The following FNBP4 variants were observed in gnomAD, a reference collection of about 807,000 sequenced individuals.
FNBP4 encodes formin-binding protein 4.
FNBP4 carries 34 observed loss-of-function variants against 119.3 expected under a neutral mutation model. The observed-to-expected ratio is 0.28, with a 90% CI of 0.22 to 0.38. The LOEUF is 0.38. Among genes scored for constraint, FNBP4 ranks in the 10% least tolerant of loss-of-function variants. FNBP4 has a pLI of 1.00. For missense variants in FNBP4, 1,112 were observed against 1,228.9 expected, an observed-to-expected ratio of 0.90 and a Z score of 1.42; for synonymous variants, 462 against 430.6, an observed-to-expected ratio of 1.07 and a Z score of -0.90.
chr11:47,752,357 G>A (rs768197930), intron 4 of FNBP4, among the ~76,000 whole-genome samples: 71 of 151,108 alleles, frequency 4.7e-4, no homozygotes, highest in Non-Finnish European at 9.0e-4. Context: ...CCTGGGAGGC[G>A]GAGGTTGCAG....
intron 8 of FNBP4, among the ~76,000 whole-genome samples, chr11:47,738,310 T>C (rs546457301): frequency 1.3e-5 from 2 of 152,260 alleles, no homozygotes; most frequent in South Asian, 4.1e-4. Context: ...CTCACGCCTG[T>C]AATCCCAGCA....
At position 47,762,843 on chromosome 11, in the gene FNBP4, G is replaced by A. The variant is rs377183615; in HGVS notation, c.313+2427C>T. 1.4e-4 allele frequency among the ~76,000 whole-genome samples: 20 copies of A among 145,934 alleles called. No homozygotes were observed. The South Asian group carries it at 4.5e-3, about 33-fold the overall frequency. ...GAGAATCGCCGGAGCCCAGGACACAGAGACTGCAGTGAGCCAAGATCACGC... is the reference window on the plus strand; with the variant it reads ...GAGAATCGCCGGAGCCCAGGACACAAAGACTGCAGTGAGCCAAGATCACGC... On this transcript the variant is annotated intron_variant, in intron 2 of 16. Coordinates refer to ENST00000263773, the MANE Select transcript of FNBP4 (RefSeq NM_015308.5).
chr11:47,750,319 T>C (rs571385466), intron 6 of FNBP4, among the ~76,000 whole-genome samples: 5 of 132,010 alleles, frequency 3.8e-5, no homozygotes, highest in African/African-American at 8.6e-5. Flanking sequence ...GAGGCAGAGG[T>C]TGCAGTGAGC....
Position 47,723,396 on chromosome 11 carries a change from T to C in FNBP4, c.2465-80A>G, listed in dbSNP as rs1490273094. 24 of 1,509,302 alleles carry C rather than the reference T, an allele frequency of 1.6e-5. No individual in the cohort carries two copies. In the South Asian group the frequency reaches 1.9e-4, roughly 12 times the overall value. The allele number at this position is 1,509,302 out of a possible 1,614,324, so 93.5% of individuals were successfully genotyped here. On this transcript the variant is annotated intron_variant, in intron 14 of 16. Transcript: ENST00000263773. The stretch of plus-strand genomic sequence containing the variant: ...ATGCAATGAAAAGAGAAGTGGGGAT[T>C]AGATCACATAGAAAATGATTCCAAT...
rs188890532 is a variant in FNBP4, at chr11:47,750,752, C to G, written c.906+164G>C. The stretch of plus-strand genomic sequence containing the variant: ...AAAAAGAAAAAGTCAAGTGAGTAAC[C>G]GCTATAAAGGCTACATAATACACAG... On this transcript the variant is annotated intron_variant, in intron 6 of 16. Coordinates refer to ENST00000263773, the MANE Select transcript of FNBP4 (RefSeq NM_015308.5). 1.6e-4 allele frequency among the ~76,000 whole-genome samples: 24 copies of G among 145,570 alleles called. No homozygotes were observed. The East Asian group carries it at 4.6e-3, about 28-fold the overall frequency.
intron 8 of FNBP4, among the ~76,000 whole-genome samples, chr11:47,740,949 T>C (rs2097581149): frequency 6.7e-6 from 1 of 150,324 alleles, no homozygotes; most frequent in Non-Finnish European, 1.5e-5. Context: ...AGTGCAGTGG[T>C]GCCATCTCAG....
chr11:47,760,364 C>A (rs1400117524), intron 2 of FNBP4, among the ~76,000 whole-genome samples: 1 of 150,134 alleles, frequency 6.7e-6, no homozygotes, highest in African/African-American at 2.5e-5. Flanking sequence ...TGGGTTCAAG[C>A]GACTCTCCTG....
At chr11:47,741,571 A>C (rs549418419) in intron 8 of FNBP4, among the ~76,000 whole-genome samples, 13 of 151,728 alleles carry the variant, frequency 8.6e-5, no homozygotes, top group African/African-American at 3.2e-4. Context: ...TAATCCCAGC[A>C]CTTTGGGAGG....
chr11:47,723,509 G>A (rs2097557987), intron 14 of FNBP4, among the ~76,000 whole-genome samples, 193 bp from the exon 15 acceptor site: 1 of 151,976 alleles, frequency 6.6e-6, no homozygotes, highest in Non-Finnish European at 1.5e-5. Context: ...CCTAAACATC[G>A]AAATCATCAA....
chr11:47,733,985 C>T, intron 10 of FNBP4, 40 bp downstream of exon 10: 1 of 1,042,038 alleles, frequency 9.6e-7, no homozygotes. Flanking sequence ...CATTCAAACA[C>T]TTAACTGTTT....
Position 47,732,500 on chromosome 11 carries a change from CAAAGGTG to C in FNBP4, c.1820+30_1820+36del, listed in dbSNP as rs1385901866. 1.9e-6 allele frequency: 3 copies of C among 1,612,694 alleles called. No homozygotes were observed. Among genetic ancestry groups the C allele is most frequent in the East Asian group, 2.2e-5 (1 of 44,842 alleles). On this transcript the variant is annotated intron_variant, in intron 11 of 16. Transcript: ENST00000263773. This position sits in a 1 kb window ranked among gnomAD's most constrained non-coding sequence, Gnocchi z 4.2. ...TGATCACAAATCATGTCTGAGATGT[CAAAGGTG>C]AAAGGTGAAAAGGGGAGAAGAGTGC...
intron 1 of FNBP4, 47 bp from the exon 2 acceptor site, chr11:47,765,409 G>GAAAAGAAAAGAAAAGAA: frequency 7.3e-7 from 1 of 1,366,950 alleles, no homozygotes; most frequent in Non-Finnish European, 1.0e-6. Flanking sequence ...GAAAAGAAAA[G>GAAAAGAAAAGAAAAGAA]AAAAGAAAAC....
At position 47,727,103 on chromosome 11, in the gene FNBP4, C is replaced by T. The variant is rs557485785; in HGVS notation, c.2009-2325G>A. 34 of 152,192 alleles carry T rather than the reference C, an allele frequency of 2.2e-4. 1 individual carries two copies. Among genetic ancestry groups the T allele is most frequent in the African/African-American group, 7.7e-4 (32 of 41,530 alleles). The allele number at this position is 152,192 out of a possible 1,614,324, so 9.4% of individuals were successfully genotyped here. On this transcript the variant is annotated intron_variant, in intron 12 of 16. Transcript: ENST00000263773. ...AGAGGAACTCAAGTAAACACAGAGT[C>T]GGTTCAAGGTTAATAATGTGGTTTA...
Position 47,742,963 on chromosome 11 carries a change from GT to G in FNBP4, c.1456+989del, listed in dbSNP as rs556842277. 1.4e-4 allele frequency among the ~76,000 whole-genome samples: 20 copies of G among 147,698 alleles called. No individual in the cohort carries two copies. In the South Asian group the frequency reaches 3.7e-3, roughly 27 times the overall value. On this transcript the variant is annotated intron_variant, in intron 8 of 16. Coordinates refer to ENST00000263773, the MANE Select transcript of FNBP4 (RefSeq NM_015308.5). ...TTCTTTATTTAACACCTGTATTGTT[GT>G]TTTTTTTTTGTTTGGTTCTTTGTTT...
intron 12 of FNBP4, chr11:47,729,850 G>C: frequency 5.1e-6 from 5 of 985,194 alleles, no homozygotes; most frequent in Non-Finnish European, 6.0e-6. Context: ...TTTAAGATTT[G>C]GATTTTACTT....
At chr11:47,748,837 G>C (rs2097596090) in intron 6 of FNBP4, among the ~76,000 whole-genome samples, 2 of 151,802 alleles carry the variant, frequency 1.3e-5, no homozygotes, top group African/African-American at 2.4e-5. Context: ...TTAATAGACG[G>C]GGTTTTACCA....
intron 15 of FNBP4, among the ~76,000 whole-genome samples, chr11:47,722,631 C>T (rs1306087629): frequency 6.6e-6 from 1 of 152,058 alleles, no homozygotes; most frequent in Non-Finnish European, 1.5e-5. Flanking sequence ...TGCTCTGTCA[C>T]CCAGGCTGGA....
rs1565136054 is a variant in FNBP4 at position 47,736,744 on chromosome 11, T to C, written c.1457-4A>G. 5 of 1,590,100 alleles carry C rather than the reference T, an allele frequency of 3.1e-6. No individual in the cohort carries two copies. In the African/African-American group the frequency reaches 5.4e-5, roughly 17 times the overall value. ...TCTGAATTTTCAGCACCAATTGCTG[T>C]AAAAAAAACATGTAAAATTAAACCA... On this transcript the variant is annotated splice_region_variant and splice_polypyrimidine_tract_variant and intron_variant, in intron 8 of 16. Transcript: ENST00000263773.
At position 47,724,453 on chromosome 11, in the gene FNBP4, A is replaced by C. The variant is rs2097558895; in HGVS notation, c.2319+15T>G. On this transcript the variant is annotated intron_variant, in intron 13 of 16. Transcript: ENST00000263773. ...GTCCTCAAAATCACTCAGAATGCCA[A>C]AGGGAATTACTTACCTGGCTAGTTA... 3 of 1,614,126 alleles carry C rather than the reference A, an allele frequency of 1.9e-6. No individual in the cohort carries two copies. Among genetic ancestry groups the C allele is most frequent in the Non-Finnish European group, 2.5e-6 (3 of 1,179,994 alleles).
Sources: gnomAD v4.1 joint callset for allele counts (sites outside exome capture counted in the v4.1 genomes callset) on GRCh38, gnomAD v4.1.1 for gene constraint, Gnocchi (gnomAD v3.1) non-coding constraint, MANE v1.5 for transcripts, NCBI Gene and HGNC (gene_info 2026-07-23, HGNC 2026-07-21) for gene names.